Variants in ADAMTS20 observed in about 807,000 individuals in gnomAD.
ADAMTS20 encodes the protein ADAM metallopeptidase with thrombospondin type 1 motif 20.
Under a neutral mutation model 260.1 loss-of-function variants are expected in ADAMTS20, and 225 were observed. The ratio of observed to expected loss-of-function variants is 0.87; its 90% CI spans 0.78 to 0.97. The LOEUF (loss-of-function observed/expected upper bound fraction) is 0.97, where lower values mean the gene tolerates loss of function less well. Among genes scored for constraint, ADAMTS20 ranks in the 50% least tolerant of loss-of-function variants. The pLI is 0.00. For missense variants in ADAMTS20, 2,400 were observed against 2,337.7 expected, an observed-to-expected ratio of 1.03 and a Z score of -0.55; for synonymous variants, 802 against 769.5, an observed-to-expected ratio of 1.04 and a Z score of -0.70.
At chr12:43,460,741 G>A (rs1410827305) in intron 11 of ADAMTS20, among the ~76,000 whole-genome samples, 1 of 151,520 alleles carries the variant, frequency 6.6e-6, no homozygotes, top group African/African-American at 2.4e-5. Context: ...ATTATACTGT[G>A]GTATAAAGGA....
Position 43,519,658 on chromosome 12 carries a change from T to A in ADAMTS20, c.613+12378A>T, listed in dbSNP as rs145727973. Among the ~76,000 whole-genome samples the A allele has an allele frequency of 7.8e-4, 119 of 152,286 alleles. 1 individual carries two copies. The highest frequency in any genetic ancestry group is 2.8e-3 in the African/African-American group (117 of 41,574). On this transcript the variant is annotated intron_variant, in intron 3 of 38. Transcript: ENST00000389420. The stretch of plus-strand genomic sequence containing the variant: ...CACTGCACTCTTCTGGCTTTCCTTC[T>A]CATTTCTTCTCCCGGCACACCTACC...
At chr12:43,399,401 C>G (rs1455096784) in intron 28 of ADAMTS20, among the ~76,000 whole-genome samples, 168 bp from the exon 29 acceptor site, 2 of 152,134 alleles carry the variant, frequency 1.3e-5, no homozygotes, top group Non-Finnish European at 2.9e-5. Context: ...CCAATCTGCT[C>G]TGGACCATCA....
intron 37 of ADAMTS20, among the ~76,000 whole-genome samples, chr12:43,367,690 A>T (rs1378272936): frequency 6.6e-6 from 1 of 152,080 alleles, no homozygotes; most frequent in East Asian, 1.9e-4. Flanking sequence ...TGTAGTCCGC[A>T]CAATAAAACA....
chr12:43,521,131 G>A (rs148382928), intron 3 of ADAMTS20, among the ~76,000 whole-genome samples: 1 of 152,220 alleles, frequency 6.6e-6, no homozygotes, highest in Non-Finnish European at 1.5e-5. Context: ...TTAAAAACTC[G>A]TAAGCTTGCC....
At chr12:43,450,820 G>A (rs1435084063) in intron 14 of ADAMTS20, among the ~76,000 whole-genome samples, 9 of 152,008 alleles carry the variant, frequency 5.9e-5, no homozygotes, top group Non-Finnish European at 1.3e-4. Flanking sequence ...TTAAGGAATG[G>A]TTAAATCTAG....
In ADAMTS20 at chr12:43,433,583, C is replaced by A. The variant is rs528223510; in HGVS notation, c.2720+662G>T. On this transcript the variant is annotated intron_variant, in intron 19 of 38. Coordinates refer to ENST00000389420, the MANE Select transcript of ADAMTS20 (RefSeq NM_025003.5). ...TCAAGTGAAAGAGGTTCTGGCCATA[C>A]CTGAATGTTAAATGGCACCTGCTAC... Among the ~76,000 whole-genome samples, 6 of 152,114 alleles carry A rather than the reference C, an allele frequency of 3.9e-5. No individual in the cohort carries two copies. The South Asian group carries it at 1.2e-3, about 32-fold the overall frequency.
intron 28 of ADAMTS20, among the ~76,000 whole-genome samples, chr12:43,422,599 T>A (rs1941256847): frequency 6.6e-6 from 1 of 152,052 alleles, no homozygotes; most frequent in African/African-American, 2.4e-5. Flanking sequence ...AAAGTAAATA[T>A]GATTGTAAAA....
In ADAMTS20 at chr12:43,356,216, C is replaced by T. The variant is rs538733192; in HGVS notation, c.5643+268G>A. On this transcript the variant is annotated intron_variant, in intron 38 of 38. Transcript: ENST00000389420. ...TTGAGATAGACAAAATCTATATGTC[C>T]TGGCATTTGGCAATTTATGTTCAAA... Among the ~76,000 whole-genome samples the T allele has an allele frequency of 2.2e-4, 33 of 152,218 alleles. No individual in the cohort carries two copies. The South Asian group carries it at 6.6e-3, about 31-fold the overall frequency.
At chr12:43,547,308 G>A (rs1212331850) in intron 2 of ADAMTS20, among the ~76,000 whole-genome samples, 1 of 152,252 alleles carries the variant, frequency 6.6e-6, no homozygotes, top group African/African-American at 2.4e-5. Context: ...AAGGCAAAAG[G>A]TCAATTAAAT....
chr12:43,508,032 A>T (rs546980045), intron 3 of ADAMTS20, among the ~76,000 whole-genome samples: 1 of 152,236 alleles, frequency 6.6e-6, no homozygotes, highest in East Asian at 1.9e-4. Flanking sequence ...AAAAATAATT[A>T]TTGGGTACTG....
At chr12:43,409,780 T>C (rs1215547154) in intron 28 of ADAMTS20, among the ~76,000 whole-genome samples, 1 of 151,998 alleles carries the variant, frequency 6.6e-6, no homozygotes, top group African/African-American at 2.4e-5. Context: ...AAAGAATGTA[T>C]AGCAAAGTAA....
At chr12:43,503,955 G>A (rs1942804950) in intron 3 of ADAMTS20, among the ~76,000 whole-genome samples, 1 of 151,980 alleles carries the variant, frequency 6.6e-6, no homozygotes, top group African/African-American at 2.4e-5. Flanking sequence ...TCTTTATCTA[G>A]TCTGTCACCG....
At chr12:43,443,746 T>C (rs768782240) in intron 16 of ADAMTS20, 45 bp downstream of exon 16, 6 of 1,461,410 alleles carry the variant, frequency 4.1e-6, no homozygotes, top group East Asian at 2.3e-5. Context: ...TCCATGAAAT[T>C]GCACATAAGC....
chr12:43,370,275 T>C (rs757284543), intron 36 of ADAMTS20, among the ~76,000 whole-genome samples: 6 of 152,184 alleles, frequency 3.9e-5, no homozygotes, highest in Non-Finnish European at 8.8e-5. Flanking sequence ...TACCAAATAG[T>C]GAGAGCCAAC....
chr12:43,424,294 CA>C (rs1056866373), intron 28 of ADAMTS20, among the ~76,000 whole-genome samples: 3 of 151,552 alleles, frequency 2.0e-5, no homozygotes, highest in East Asian at 1.9e-4. Context: ...AATTACTCCT[CA>C]AAAAAAAGAT....
Position 43,427,357 on chromosome 12 carries a change from T to C in ADAMTS20, c.4058A>G (p.Gln1353Arg), listed in dbSNP as rs1309276012. 1.9e-6 allele frequency: 3 copies of C among 1,613,928 alleles called. No individual in the cohort carries two copies. The highest frequency in any genetic ancestry group is 1.1e-5 in the South Asian group (1 of 91,086). The change falls in exon 27 of 39, where the codon CAA becomes CGA. Residue 1353 changes from glutamine to arginine, a missense_variant. Transcript: ENST00000389420. Reference sequence around the variant, plus strand: ...CTGTGGACAAGGCCCTGGACCACATTGCTGTAACTCTGGAGGCTTGGAGGC... The same window carrying C: ...CTGTGGACAAGGCCCTGGACCACATCGCTGTAACTCTGGAGGCTTGGAGGC... ...DAASKPPELQ[Q>R]CGPGPCPQWN...
chr12:43,384,131 C>G lies in ADAMTS20; in HGVS notation c.4453-154G>C, dbSNP rs950193317. Among the ~76,000 whole-genome samples the G allele has an allele frequency of 5.3e-5, 8 of 152,158 alleles. No homozygotes were observed. In the East Asian group the frequency reaches 1.5e-3, roughly 29 times the overall value. Reference sequence around the variant, plus strand: ...AAATACATACAATAAGTATTTTTACCATTATCTCTGTAAATGTATATTTTC... The same window carrying G: ...AAATACATACAATAAGTATTTTTACGATTATCTCTGTAAATGTATATTTTC... On this transcript the variant is annotated intron_variant, in intron 29 of 38. Transcript: ENST00000389420.
In ADAMTS20 at chr12:43,421,744, ACTG is replaced by A. The variant is rs541181274; in HGVS notation, c.4284+3767_4284+3769del. ...AAAATTTCACAGTATTTAAAAATTG[ACTG>A]CTAACAAATAAGTCTTATACTTTTA... On this transcript the variant is annotated intron_variant, in intron 28 of 38. Transcript: ENST00000389420. Among the ~76,000 whole-genome samples the A allele has an allele frequency of 1.2e-3, 179 of 152,170 alleles. 1 individual carries two copies. Among genetic ancestry groups the A allele is most frequent in the African/African-American group, 4.1e-3 (170 of 41,578 alleles).
At chr12:43,409,886 C>A (rs1163179385) in intron 28 of ADAMTS20, among the ~76,000 whole-genome samples, 1 of 152,078 alleles carries the variant, frequency 6.6e-6, no homozygotes. Flanking sequence ...TTCAGTGGAA[C>A]AGGCATGGAA....
Sources: allele counts gnomAD v4.1 joint callset (sites outside exome capture counted in the v4.1 genomes callset), GRCh38; gene constraint gnomAD v4.1.1; transcripts MANE v1.5; gene names NCBI Gene and HGNC (gene_info 2026-07-23, HGNC 2026-07-21).